The following FBXO25 variants were observed in gnomAD, a reference collection of about 807,000 sequenced individuals.
The protein encoded by FBXO25 is F-box protein 25.
In FBXO25, 45 loss-of-function variants were observed where a neutral mutation model predicts 51.9. The observed-to-expected ratio is 0.87, with a 90% CI of 0.68 to 1.11. The LOEUF (loss-of-function observed/expected upper bound fraction) is 1.11, where lower values mean the gene tolerates loss of function less well. Among genes scored for constraint, FBXO25 ranks in the 50% most tolerant of loss-of-function variants. The probability of loss-of-function intolerance (pLI) is 0.00; values close to 1 mark genes in which losing one functional copy is unlikely to be tolerated. For synonymous variants in FBXO25, 199 were observed against 151.0 expected (o/e 1.32, Z -2.33); for missense variants, 507 against 428.5 (o/e 1.18, Z -1.62).
At chr8:439,348 C>A (rs1454716361) in intron 5 of FBXO25, among the ~76,000 whole-genome samples, 1 of 152,208 alleles carries the variant, frequency 6.6e-6, no homozygotes, top group Non-Finnish European at 1.5e-5. Context: ...TTCCTGAAAG[C>A]TGCACGGTGT....
intron 5 of FBXO25, among the ~76,000 whole-genome samples, chr8:440,859 T>A (rs1361912397): frequency 1.4e-5 from 2 of 145,772 alleles, no homozygotes; most frequent in Non-Finnish European, 3.0e-5. Context: ...GTTCTCGTGT[T>A]AGTTTGCTGA....
intron 9 of FBXO25, among the ~76,000 whole-genome samples, chr8:465,813 G>A (rs1800118679): frequency 1.3e-5 from 2 of 152,192 alleles, no homozygotes; most frequent in Admixed American, 6.5e-5. Context: ...GGTGCTCCAT[G>A]TATATAAGAA....
intron 9 of FBXO25, among the ~76,000 whole-genome samples, chr8:463,926 C>T (rs1799981914): frequency 1.3e-5 from 2 of 152,110 alleles, no homozygotes; most frequent in African/African-American, 4.8e-5. Context: ...GTAGCTGGGA[C>T]TACAGGCAGG....
chr8:450,129 A>G (rs1279981970), intron 6 of FBXO25, 46 bp downstream of exon 6: 3 of 1,417,018 alleles, frequency 2.1e-6, no homozygotes, highest in African/African-American at 1.4e-5. Flanking sequence ...TTAATTAGAA[A>G]TTTGGTGCAA....
Position 469,698 on chromosome 8 carries a change from A to G in FBXO25, c.*894A>G, listed in dbSNP as rs1229774198. 2.0e-5 allele frequency: 3 copies of G among 152,138 alleles called. No homozygotes were observed. Among genetic ancestry groups the G allele is most frequent in the African/African-American group, 7.2e-5 (3 of 41,414 alleles). 9.4% of individuals were successfully genotyped at this position (152,138 alleles called of 1,614,324 possible). ...TTTAGAAAATTAGAAAATCAGTCCC[A>G]CCACCCAAAGATTATTGTGCATGCT... On this transcript the variant is annotated 3_prime_UTR_variant, in exon 10 of 10. Coordinates refer to ENST00000350302, the MANE Select transcript of FBXO25 (RefSeq NM_183420.2).
rs1800655646 is a variant in FBXO25, at chr8:476,775, G to A, written c.*7971G>A. The A allele has an allele frequency of 6.6e-6, 1 of 151,620 alleles. No homozygotes were observed. The highest frequency in any genetic ancestry group is 2.4e-5 in the African/African-American group (1 of 41,244). The allele number at this position is 151,620 out of a possible 1,614,324, so 9.4% of individuals were successfully genotyped here. Reference sequence around the variant, plus strand: ...TTGGTTTCATTTATTTTTCTCTATTGCTTTTCTGTTCTCTATTTTGTCTCT... The same window carrying A: ...TTGGTTTCATTTATTTTTCTCTATTACTTTTCTGTTCTCTATTTTGTCTCT... On this transcript the variant is annotated 3_prime_UTR_variant, in exon 10 of 10. Coordinates refer to ENST00000350302, the MANE Select transcript of FBXO25 (RefSeq NM_183420.2).
Position 474,709 on chromosome 8 carries a change from A to C in FBXO25, c.*5905A>C, listed in dbSNP as rs772245931. The C allele has an allele frequency of 2.2e-6, 1 of 454,220 alleles. No individual in the cohort carries two copies. Among genetic ancestry groups the C allele is most frequent in the African/African-American group, 2.0e-5 (1 of 49,848 alleles). The allele number at this position is 454,220 out of a possible 1,614,324, so 28.1% of individuals were successfully genotyped here. On this transcript the variant is annotated 3_prime_UTR_variant, in exon 10 of 10. Transcript: ENST00000350302. ...TATTTGGGCTCTTTGTCCATTTTTC[A>C]ATCAGGTGTGTGTTTTTATATGTTC...
At chr8:444,259 C>G (rs1227417631) in intron 5 of FBXO25, among the ~76,000 whole-genome samples, 2 of 152,156 alleles carry the variant, frequency 1.3e-5, no homozygotes, top group Non-Finnish European at 2.9e-5. Context: ...GTAAGGCTGA[C>G]TTTAAAAATA....
chr8:424,728 T>C (rs1362627141), intron 2 of FBXO25, among the ~76,000 whole-genome samples: 1 of 152,194 alleles, frequency 6.6e-6, no homozygotes, highest in Non-Finnish European at 1.5e-5. Flanking sequence ...GTGAGTCTGT[T>C]TTTGTACCAG....
At position 434,032 on chromosome 8, in the gene FBXO25, C is replaced by T. The variant is rs376394646; in HGVS notation, c.288+1097C>T. Among the ~76,000 whole-genome samples, 9 of 152,302 alleles carry T rather than the reference C, an allele frequency of 5.9e-5. No homozygotes were observed. In the East Asian group the frequency reaches 1.7e-3, roughly 29 times the overall value. ...TGATTACAGAACAGAGGATCCCATC[C>T]AAGCTAGCATATGCAGGAAAGGAGG... On this transcript the variant is annotated intron_variant, in intron 4 of 9. Coordinates refer to ENST00000350302, the MANE Select transcript of FBXO25 (RefSeq NM_183420.2).
chr8:414,179 T>C (rs1374506595), intron 2 of FBXO25, among the ~76,000 whole-genome samples: 2 of 152,226 alleles, frequency 1.3e-5, no homozygotes, highest in African/African-American at 2.4e-5. Flanking sequence ...TAACACATAA[T>C]ATTTTTAAAC....
At chr8:424,683 T>G (rs561442174) in intron 2 of FBXO25, among the ~76,000 whole-genome samples, 12 of 152,142 alleles carry the variant, frequency 7.9e-5, no homozygotes, top group Non-Finnish European at 1.6e-4. Flanking sequence ...GGTGTGTGGC[T>G]TTATTTCTGA....
At chr8:438,831 A>T (rs1798249536) in intron 5 of FBXO25, among the ~76,000 whole-genome samples, 3 of 152,154 alleles carry the variant, frequency 2.0e-5, no homozygotes, top group Admixed American at 2.0e-4. Flanking sequence ...CCTGGCTGGG[A>T]CCTTGGCCTC....
At chr8:441,379 A>G (rs1361525855) in intron 5 of FBXO25, among the ~76,000 whole-genome samples, 4 of 152,246 alleles carry the variant, frequency 2.6e-5, no homozygotes, top group African/African-American at 7.2e-5. Context: ...AGATGGATTA[A>G]AGACTTAAAC....
Position 412,907 on chromosome 8 carries a change from C to A in FBXO25, c.-7-166C>A, listed in dbSNP as rs12543236. ...TACCCCATTTGATCACTTTAGTACA[C>A]AGTACTGTGTTATTGTCACTGTCAC... On this transcript the variant is annotated intron_variant, in intron 1 of 9. Coordinates refer to ENST00000350302, the MANE Select transcript of FBXO25 (RefSeq NM_183420.2). Among the ~76,000 whole-genome samples the A allele has an allele frequency of 7.2e-5, 11 of 152,064 alleles. No homozygotes were observed. The East Asian group carries it at 2.1e-3, about 29-fold the overall frequency.
At chr8:423,096 C>CATGACG (rs1469858581) in intron 2 of FBXO25, among the ~76,000 whole-genome samples, 4 of 151,658 alleles carry the variant, frequency 2.6e-5, no homozygotes, top group African/African-American at 7.2e-5. Context: ...CCCTTCCCTG[C>CATGACG]TGTGTTGAGA....
intron 2 of FBXO25, among the ~76,000 whole-genome samples, chr8:416,221 C>G (rs772007764): frequency 8.5e-5 from 13 of 152,240 alleles, no homozygotes; most frequent in Non-Finnish European, 1.8e-4. Context: ...GCCTGCTCTA[C>G]TCCTCTTTGT....
intron 5 of FBXO25, among the ~76,000 whole-genome samples, chr8:442,398 AG>A (rs1183972458): frequency 2.6e-5 from 4 of 152,094 alleles, no homozygotes; most frequent in South Asian, 2.1e-4. Flanking sequence ...CTGCACCTAC[AG>A]GTTACTTTTT....
chr8:413,454 G>C (rs950337047), intron 2 of FBXO25, among the ~76,000 whole-genome samples: 2 of 151,942 alleles, frequency 1.3e-5, no homozygotes, highest in African/African-American at 4.8e-5. Context: ...AATTGGGAGA[G>C]AGGTATTATT....
Sources: allele counts gnomAD v4.1 joint callset (sites outside exome capture counted in the v4.1 genomes callset), GRCh38; gene constraint gnomAD v4.1.1; transcripts MANE v1.5; gene names NCBI Gene and HGNC (gene_info 2026-07-23, HGNC 2026-07-21).